Variants in RNLS observed in about 807,000 individuals in gnomAD.
RNLS encodes the protein renalase.
RNLS carries 39 observed loss-of-function variants against 39.8 expected under a neutral mutation model. That is an observed-to-expected ratio of 0.98 (90% confidence interval 0.76 to 1.28). RNLS has a LOEUF of 1.28. Ranked by LOEUF, RNLS falls within the 50% of genes most tolerant of loss-of-function variation. The pLI is 0.00. For synonymous variants in RNLS, 147 were observed against 150.7 expected, an observed-to-expected ratio of 0.98 and a Z score of 0.18; for missense variants, 410 against 413.3, an observed-to-expected ratio of 0.99 and a Z score of 0.07.
At chr10:88,281,562 C>T (rs1052339901), downstream of RNLS, among the ~76,000 whole-genome samples, 2 of 152,022 alleles carry the variant, frequency 1.3e-5, no homozygotes, top group East Asian at 1.9e-4. Flanking sequence ...GCTTTGCACA[C>T]GTGTGACAGG....
intron 4 of RNLS, among the ~76,000 whole-genome samples, chr10:88,452,844 T>C (rs982230898): frequency 6.6e-6 from 1 of 152,190 alleles, no homozygotes; most frequent in East Asian, 1.9e-4. Flanking sequence ...ACCAGTCAAG[T>C]AATTCGGTGT....
intron 5 of RNLS, among the ~76,000 whole-genome samples, chr10:88,339,965 G>C (rs1847812135): frequency 6.6e-6 from 1 of 152,068 alleles, no homozygotes; most frequent in African/African-American, 2.4e-5. Context: ...GACAGCTCAA[G>C]ACTCATATGC....
chr10:88,479,797 T>C (rs1264174483), intron 4 of RNLS, among the ~76,000 whole-genome samples: 1 of 150,820 alleles, frequency 6.6e-6, no homozygotes, highest in Non-Finnish European at 1.5e-5. Flanking sequence ...TTTTTTCTTT[T>C]TTTTTTTTTT....
chr10:88,355,192 C>G (rs1257980609), intron 5 of RNLS, among the ~76,000 whole-genome samples: 1 of 152,186 alleles, frequency 6.6e-6, no homozygotes, highest in Non-Finnish European at 1.5e-5. Context: ...GTTTGATCAT[C>G]TGAAGCCTTC....
Position 88,318,635 on chromosome 10 carries a change from G to A in RNLS, c.701-3994C>T, listed in dbSNP as rs79619587. Reference sequence around the variant, plus strand: ...ATGGAGGACACAGACAAGCCACAGAGTTGTCTGCTCTGGACTGGGGGAAGG... The same window carrying A: ...ATGGAGGACACAGACAAGCCACAGAATTGTCTGCTCTGGACTGGGGGAAGG... On this transcript the variant is annotated intron_variant, in intron 5 of 6. Coordinates refer to ENST00000331772, the MANE Select transcript of RNLS (RefSeq NM_001031709.3). Among the ~76,000 whole-genome samples, 628 of 152,326 alleles carry A rather than the reference G, an allele frequency of 4.1e-3. 4 individuals carry two copies. The highest frequency in any genetic ancestry group is 0.028 in the South Asian group (136 of 4,818).
the RNLS span, among the ~76,000 whole-genome samples, chr10:88,203,377 TATATATATAC>T: frequency 0.05 from 662 of 13,282 alleles, 154 homozygotes; most frequent in African/African-American, 0.11. Context: ...TGTATATATA[TATATATATAC>T]ACGTATGTGT....
At chr10:88,577,023 C>T (rs1291324300) in intron 3 of RNLS, among the ~76,000 whole-genome samples, 1 of 152,158 alleles carries the variant, frequency 6.6e-6, no homozygotes, top group Non-Finnish European at 1.5e-5. Flanking sequence ...AATTTAGTAA[C>T]ATGGGACCTT....
intron 6 of RNLS, among the ~76,000 whole-genome samples, chr10:88,288,932 A>G (rs574498316): frequency 6.6e-6 from 1 of 152,318 alleles, no homozygotes. Context: ...CAATCTCACA[A>G]TAATGCAGCC....
chr10:88,516,772 C>T lies in RNLS; in HGVS notation c.526+56131G>A, dbSNP rs575357291. ...AAAATTAATTATTGGACACCAAGTC[C>T]TTGAGAGTGCTTTTGTAGTCATATG... On this transcript the variant is annotated intron_variant, in intron 4 of 6. Coordinates refer to ENST00000331772, the MANE Select transcript of RNLS (RefSeq NM_001031709.3). Among the ~76,000 whole-genome samples, 15 of 152,078 alleles carry T rather than the reference C, an allele frequency of 9.9e-5. No homozygotes were observed. In the South Asian group the frequency reaches 1.0e-3, roughly 11 times the overall value.
chr10:88,508,092 T>C (rs1356330594), intron 4 of RNLS, among the ~76,000 whole-genome samples: 1 of 152,192 alleles, frequency 6.6e-6, no homozygotes, highest in East Asian at 1.9e-4. Context: ...CTTTTATTAG[T>C]AAGTCTCTTA....
chr10:88,482,003 A>G lies in RNLS; in HGVS notation c.526+90900T>C, dbSNP rs190349289. ...TTTTTTTTCTTCCAGTATCTTTCAA[A>G]TGAGAAATCAGTCATTAATTGCATA... On this transcript the variant is annotated intron_variant, in intron 4 of 6. Coordinates refer to ENST00000331772, the MANE Select transcript of RNLS (RefSeq NM_001031709.3). Among the ~76,000 whole-genome samples, 114 of 152,242 alleles carry G rather than the reference A, an allele frequency of 7.5e-4. 1 individual carries two copies. In the East Asian group the frequency reaches 0.02, roughly 27 times the overall value.
the RNLS span, among the ~76,000 whole-genome samples, chr10:88,262,722 CATTTTCAAGGT>C: frequency 2.0e-5 from 3 of 152,292 alleles, no homozygotes; most frequent in Admixed American, 2.0e-4. Flanking sequence ...CAGAATCACA[CATTTTCAAGGT>C]CTCCCGTGTC....
chr10:88,342,176 A>G (rs1848004036), intron 5 of RNLS, among the ~76,000 whole-genome samples: 1 of 152,160 alleles, frequency 6.6e-6, no homozygotes, highest in Admixed American at 6.5e-5. Flanking sequence ...TTTGGGGCTT[A>G]TCTTCCAAGT....
At chr10:88,524,947 TGGC>T (rs1564871598) in intron 4 of RNLS, among the ~76,000 whole-genome samples, 22 of 79,462 alleles carry the variant, frequency 2.8e-4, no homozygotes, top group African/African-American at 1.3e-3. Context: ...TATATATATA[TGGC>T]ACACACATAC....
chr10:88,464,591 C>T lies in RNLS; in HGVS notation c.527-101866G>A, dbSNP rs377540982. ...AGACAGCTGATAATGTTTGCACATA[C>T]TGCTAAAACCGTCAGCAATAAGATG... On this transcript the variant is annotated intron_variant, in intron 4 of 6. Coordinates refer to ENST00000331772, the MANE Select transcript of RNLS (RefSeq NM_001031709.3). Among the ~76,000 whole-genome samples, 7 of 152,218 alleles carry T rather than the reference C, an allele frequency of 4.6e-5. No individual in the cohort carries two copies. The South Asian group carries it at 1.2e-3, about 27-fold the overall frequency.
At chr10:88,375,965 A>C (rs746986688) in intron 4 of RNLS, among the ~76,000 whole-genome samples, 15 of 152,026 alleles carry the variant, frequency 9.9e-5, no homozygotes, top group Non-Finnish European at 2.1e-4. Context: ...AGGGGAGACA[A>C]TGTATGGTGA....
chr10:88,352,746 T>A (rs1370937405), intron 5 of RNLS, among the ~76,000 whole-genome samples: 1 of 152,244 alleles, frequency 6.6e-6, no homozygotes, highest in African/African-American at 2.4e-5. Context: ...CCTCTTTTTC[T>A]ACCGATTGGA....
intron 4 of RNLS, among the ~76,000 whole-genome samples, chr10:88,472,453 A>G (rs564829401): frequency 3.3e-5 from 5 of 152,302 alleles, no homozygotes; most frequent in African/African-American, 1.2e-4. Flanking sequence ...GTGCTAAAGC[A>G]GCACGATAGG....
rs576993163 is a variant in RNLS at position 88,304,256 on chromosome 10, G to A, written c.876+10210C>T. The stretch of plus-strand genomic sequence containing the variant: ...CTCACAAAGATGAGAAGGAATCAGT[G>A]CAAGAACCCTGAAAACTCAAAAAGC... On this transcript the variant is annotated intron_variant, in intron 6 of 6. Coordinates refer to ENST00000331772, the MANE Select transcript of RNLS (RefSeq NM_001031709.3). 4.6e-5 allele frequency among the ~76,000 whole-genome samples: 7 copies of A among 152,320 alleles called. No homozygotes were observed. In the East Asian group the frequency reaches 1.2e-3, roughly 25 times the overall value.
Sources: allele counts gnomAD v4.1 joint callset (sites outside exome capture counted in the v4.1 genomes callset), GRCh38; gene constraint gnomAD v4.1.1; transcripts MANE v1.5; gene names NCBI Gene and HGNC (gene_info 2026-07-23, HGNC 2026-07-21).